MYO1E: variants seen among roughly 807,000 people sequenced by gnomAD.
MYO1E encodes unconventional myosin-Ie.
A neutral mutation model predicts 151.1 loss-of-function variants in MYO1E; 68 were observed. The observed-to-expected ratio is 0.45, with a 90% CI of 0.37 to 0.55. MYO1E has a LOEUF of 0.55. Among genes scored for constraint, MYO1E ranks in the 20% least tolerant of loss-of-function variants. The pLI, the probability that MYO1E is intolerant of heterozygous loss-of-function variation, is 0.00. For synonymous variants in MYO1E, 601 were observed against 501.7 expected (o/e 1.20, Z -2.64); for missense variants, 1,363 against 1,389.3 (o/e 0.98, Z 0.30).
In MYO1E at chr15:59,309,801, G is replaced by A. The variant is rs570018054; in HGVS notation, c.4-37352C>T. On this transcript the variant is annotated intron_variant, in intron 1 of 27. Transcript: ENST00000288235. Reference sequence around the variant, plus strand: ...TTTACCCTTCTTGGCAGCACATAAAGCATAACTTAAGTGGGTAGAGACAAA... The same window carrying A: ...TTTACCCTTCTTGGCAGCACATAAAACATAACTTAAGTGGGTAGAGACAAA... Among the ~76,000 whole-genome samples, 15 of 152,282 alleles carry A rather than the reference G, an allele frequency of 9.9e-5. No homozygotes were observed. The South Asian group carries it at 2.9e-3, about 29-fold the overall frequency.
At chr15:59,162,659 G>GAAAAAAAAAAAAAAAAA (rs56116339) in intron 23 of MYO1E, among the ~76,000 whole-genome samples, 1 of 120,910 alleles carries the variant, frequency 8.3e-6, no homozygotes. Context: ...AAAAAAAAAA[G>GAAAAAAAAAAAAAAAAA]AAAAAAAAAA....
intron 5 of MYO1E, among the ~76,000 whole-genome samples, chr15:59,232,968 G>C (rs1353785586): frequency 1.3e-5 from 2 of 152,052 alleles, no homozygotes; most frequent in Non-Finnish European, 2.9e-5. Flanking sequence ...GGCAATTCTG[G>C]GTGGTCCTTT....
intron 1 of MYO1E, among the ~76,000 whole-genome samples, chr15:59,371,580 G>C (rs552146002): frequency 6.6e-6 from 1 of 152,176 alleles, no homozygotes; most frequent in African/African-American, 2.4e-5. Context: ...GGACTGGGGA[G>C]TTGGAATAGC....
intron 1 of MYO1E, among the ~76,000 whole-genome samples, chr15:59,361,925 C>T (rs1304118592): frequency 6.6e-6 from 1 of 152,118 alleles, no homozygotes; most frequent in Non-Finnish European, 1.5e-5. Context: ...CAACCTCCTC[C>T]TCCTGGGTTC....
intron 1 of MYO1E, among the ~76,000 whole-genome samples, chr15:59,276,624 G>A (rs1212596178): frequency 6.6e-6 from 1 of 152,204 alleles, no homozygotes; most frequent in Non-Finnish European, 1.5e-5. Flanking sequence ...GCAAGTTCTG[G>A]AAAGTAGGGT....
At chr15:59,160,922 A>C in intron 24 of MYO1E, 151 bp downstream of exon 24, 1 of 1,114,090 alleles carries the variant, frequency 9.0e-7, no homozygotes, top group East Asian at 2.4e-5. Flanking sequence ...CTTTAGTTTG[A>C]AATGTTCCAT....
chr15:59,264,208 AT>A (rs760852566), intron 2 of MYO1E, among the ~76,000 whole-genome samples: 2 of 152,108 alleles, frequency 1.3e-5, no homozygotes, highest in Non-Finnish European at 2.9e-5. Flanking sequence ...ACTTTGCAGC[AT>A]TTCAAATTTG....
intron 4 of MYO1E, among the ~76,000 whole-genome samples, chr15:59,241,575 C>T (rs1203736328): frequency 6.6e-6 from 1 of 151,922 alleles, no homozygotes; most frequent in Non-Finnish European, 1.5e-5. Flanking sequence ...TGGTGGCATG[C>T]GCCTGTAGTC....
chr15:59,198,021 C>T (rs2079778489), intron 16 of MYO1E, among the ~76,000 whole-genome samples: 1 of 152,076 alleles, frequency 6.6e-6, no homozygotes, highest in Non-Finnish European at 1.5e-5. Flanking sequence ...GCCACCACAC[C>T]CAGCTAATTT....
intron 24 of MYO1E, 142 bp downstream of exon 24, chr15:59,160,931 A>G (rs1437363602): frequency 3.4e-6 from 4 of 1,183,018 alleles, no homozygotes; most frequent in Non-Finnish European, 4.9e-6. Context: ...GAAATGTTCC[A>G]TTCTGAAGAA....
At chr15:59,168,103 T>C (rs2079572318) in intron 22 of MYO1E, among the ~76,000 whole-genome samples, 1 of 152,242 alleles carries the variant, frequency 6.6e-6, no homozygotes, top group African/African-American at 2.4e-5. Context: ...CTATTTTTTC[T>C]TGTAAATGAA....
chr15:59,287,981 T>TGCAGCGAAGGCGC (rs1353931205), intron 1 of MYO1E, among the ~76,000 whole-genome samples: 11 of 152,362 alleles, frequency 7.2e-5, no homozygotes, highest in African/African-American at 2.6e-4. Flanking sequence ...ATCAACAATG[T>TGCAGCGAAGGCGC]GCAGCGAAGG....
Position 59,188,205 on chromosome 15 carries a change from T to G in MYO1E, c.1817A>C (p.Gln606Pro). The G allele has an allele frequency of 4.3e-6, 7 of 1,613,892 alleles. No homozygotes were observed. The highest frequency in any genetic ancestry group is 5.9e-6 in the Non-Finnish European group (7 of 1,179,854). Residue 606 changes from glutamine (Q) to proline (P), a missense_variant, in exon 18 of 28, where the codon CAA becomes CCA. Physicochemically the swap from Gln to Pro is moderately conservative, Grantham distance 76. Transcript: ENST00000288235. ...CTCTTTCAGACCCAAATATTCGACT[T>G]GATGCTTTACCCTGTGCAAAGGAGA... ...RDWEESRVKHQVEYLGLKENI... is the reference protein window; with the variant it reads ...RDWEESRVKHPVEYLGLKENI...
At chr15:59,228,646 G>A (rs2101395) in intron 6 of MYO1E, among the ~76,000 whole-genome samples, 4,936 of 152,094 alleles carry the variant, frequency 0.032, 221 homozygotes, top group African/African-American at 0.097. Context: ...TAAAGGAAAA[G>A]AGGGAGTGGT....
At chr15:59,157,222 A>G (rs1314068853) in intron 25 of MYO1E, among the ~76,000 whole-genome samples, 1 of 152,148 alleles carries the variant, frequency 6.6e-6, no homozygotes, top group Non-Finnish European at 1.5e-5. Context: ...CCCCATCCCA[A>G]AAAAAGAAGA....
chr15:59,235,351 C>G (rs1031235264), intron 5 of MYO1E, among the ~76,000 whole-genome samples: 1 of 152,140 alleles, frequency 6.6e-6, no homozygotes, highest in African/African-American at 2.4e-5. Context: ...GTGTATACTT[C>G]GAGGGATATG....
At chr15:59,314,204 T>C (rs2080571087) in intron 1 of MYO1E, among the ~76,000 whole-genome samples, 2 of 152,218 alleles carry the variant, frequency 1.3e-5, no homozygotes, top group Non-Finnish European at 1.5e-5. Context: ...AGGCAGCCAC[T>C]TAAACCATTC....
At chr15:59,275,743 A>G (rs2080314566) in intron 1 of MYO1E, among the ~76,000 whole-genome samples, 3 of 152,232 alleles carry the variant, frequency 2.0e-5, no homozygotes, top group Non-Finnish European at 2.9e-5. Context: ...AAGGTGGATC[A>G]ATGAAAGCTG....
At chr15:59,286,496 T>G (rs979291939) in intron 1 of MYO1E, among the ~76,000 whole-genome samples, 4 of 152,188 alleles carry the variant, frequency 2.6e-5, no homozygotes, top group African/African-American at 9.6e-5. Flanking sequence ...TAAGGAGCGG[T>G]GACACAGGTA....
Sources: gnomAD v4.1 joint callset for allele counts (sites outside exome capture counted in the v4.1 genomes callset) on GRCh38, gnomAD v4.1.1 for gene constraint, MANE v1.5 for transcripts, NCBI Gene and HGNC (gene_info 2026-07-23, HGNC 2026-07-21) for gene names.